PTER: variants seen among roughly 807,000 people sequenced by gnomAD.
PTER encodes the protein N-acetyltaurine hydrolase.
In PTER, 38 loss-of-function variants were observed where a neutral mutation model predicts 29.6. The observed-to-expected ratio is 1.28, with a 90% CI of 0.99 to 1.68. The LOEUF (loss-of-function observed/expected upper bound fraction) is 1.68, where lower values mean the gene tolerates loss of function less well. Among genes scored for constraint, PTER ranks in the 40% most tolerant of loss-of-function variants. The pLI is 0.00. For synonymous variants in PTER, 172 were observed against 154.5 expected, an observed-to-expected ratio of 1.11 and a Z score of -0.84; for missense variants, 482 against 427.8, an observed-to-expected ratio of 1.13 and a Z score of -1.12.
chr10:16,459,767 A>G (rs558895947), intron 1 of PTER, among the ~76,000 whole-genome samples: 3 of 151,412 alleles, frequency 2.0e-5, no homozygotes, highest in African/African-American at 7.3e-5. Context: ...TACTTATTTG[A>G]GACCAAGTTT....
intron 1 of PTER, among the ~76,000 whole-genome samples, chr10:16,468,704 A>G (rs150789848): frequency 1.1e-3 from 174 of 152,248 alleles, no homozygotes; most frequent in Middle Eastern, 6.8e-3. Flanking sequence ...GCTAGGTGCA[A>G]TGGCTCATGC....
At chr10:16,479,864 T>G (rs1835412715) in intron 1 of PTER, among the ~76,000 whole-genome samples, 1 of 151,824 alleles carries the variant, frequency 6.6e-6, no homozygotes, top group East Asian at 2.0e-4. Flanking sequence ...TGCCAGGCTC[T>G]TCACTTCATA....
chr10:16,515,631 C>G (rs780953960), downstream of PTER, among the ~76,000 whole-genome samples: 3 of 152,172 alleles, frequency 2.0e-5, no homozygotes, highest in African/African-American at 7.2e-5. Flanking sequence ...CATTTACAAA[C>G]AGTCAAATTG....
intron 1 of PTER, among the ~76,000 whole-genome samples, chr10:16,473,103 G>C (rs1490477577): frequency 6.6e-6 from 1 of 151,468 alleles, no homozygotes; most frequent in East Asian, 1.9e-4. Flanking sequence ...AAACCGTTTG[G>C]CTCTTTCATT....
rs891107739 is a variant in PTER, at chr10:16,511,535, G to A, written c.*279G>A. On this transcript the variant is annotated 3_prime_UTR_variant, in exon 5 of 5. Coordinates refer to ENST00000535784, the MANE Select transcript of PTER (RefSeq NM_001261836.2). Reference sequence around the variant, plus strand: ...GATTTAAAGTCTATATCCCCTAAGCGGAGTTGTTGTTTTTCTCCCTAATCT... The same window carrying A: ...GATTTAAAGTCTATATCCCCTAAGCAGAGTTGTTGTTTTTCTCCCTAATCT... 18 of 344,670 alleles carry A rather than the reference G, an allele frequency of 5.2e-5. No homozygotes were observed. The highest frequency in any genetic ancestry group is 2.0e-4 in the African/African-American group (10 of 49,160). 21.4% of individuals were successfully genotyped at this position (344,670 alleles called of 1,614,324 possible).
intron 1 of PTER, among the ~76,000 whole-genome samples, chr10:16,477,931 A>G (rs534906908): frequency 2.6e-5 from 4 of 152,206 alleles, no homozygotes; most frequent in Non-Finnish European, 5.9e-5. Flanking sequence ...GAGGCAACCT[A>G]TGACTAGGGT....
intron 1 of PTER, among the ~76,000 whole-genome samples, chr10:16,451,739 T>G (rs973156896): frequency 6.6e-6 from 1 of 152,040 alleles, no homozygotes; most frequent in African/African-American, 2.4e-5. Flanking sequence ...TAAAATAAAA[T>G]TGGACAGTAG....
At chr10:16,514,287 A>G, downstream of PTER, 1 of 557,406 alleles carries the variant, frequency 1.8e-6, no homozygotes, top group Non-Finnish European at 3.2e-6. Context: ...TCACATGGAC[A>G]CTAACGATAA....
intron 1 of PTER, among the ~76,000 whole-genome samples, chr10:16,472,373 G>C (rs1214517688): frequency 6.6e-6 from 1 of 152,128 alleles, no homozygotes; most frequent in Non-Finnish European, 1.5e-5. Context: ...TGTGTCAAGG[G>C]TGGGGCCAGG....
At chr10:16,468,621 C>T (rs966269835) in intron 1 of PTER, among the ~76,000 whole-genome samples, 1 of 152,100 alleles carries the variant, frequency 6.6e-6, no homozygotes, top group Non-Finnish European at 1.5e-5. Context: ...GAACTGAGGA[C>T]TGAGAGGCAA....
At chr10:16,508,221 A>C (rs1224690894) in intron 4 of PTER, among the ~76,000 whole-genome samples, 1 of 151,698 alleles carries the variant, frequency 6.6e-6, no homozygotes, top group Non-Finnish European at 1.5e-5. Context: ...GGCACCCGCC[A>C]CCACGCCCGG....
intron 1 of PTER, among the ~76,000 whole-genome samples, chr10:16,475,765 G>C (rs1391261337): frequency 6.6e-6 from 1 of 152,150 alleles, no homozygotes; most frequent in Non-Finnish European, 1.5e-5. Flanking sequence ...TTGGTGCATC[G>C]TTTCCAAAAA....
intron 1 of PTER, among the ~76,000 whole-genome samples, chr10:16,474,734 A>C (rs1366615459): frequency 1.3e-5 from 2 of 152,086 alleles, no homozygotes; most frequent in African/African-American, 4.8e-5. Context: ...AAAAATACAA[A>C]AAATTAGCTG....
chr10:16,441,472 C>T (rs1833846416), intron 1 of PTER, among the ~76,000 whole-genome samples: 1 of 152,020 alleles, frequency 6.6e-6, no homozygotes, highest in Non-Finnish European at 1.5e-5. Flanking sequence ...TTAGGTTTTG[C>T]TGTTAATGTC....
Position 16,452,879 on chromosome 10 carries a change from A to G in PTER, c.-49+15832A>G, listed in dbSNP as rs894973036. On this transcript the variant is annotated intron_variant, in intron 1 of 4. Transcript: ENST00000535784. Reference sequence around the variant, plus strand: ...GTGATTCTCCTGCCTCAGCCTCCCAAGTGGGTGGGATTACAGGCATGCCCT... The same window carrying G: ...GTGATTCTCCTGCCTCAGCCTCCCAGGTGGGTGGGATTACAGGCATGCCCT... 7.9e-5 allele frequency among the ~76,000 whole-genome samples: 12 copies of G among 152,200 alleles called. No individual in the cohort carries two copies. The East Asian group carries it at 2.1e-3, about 27-fold the overall frequency.
rs903826533 is a variant in PTER, at chr10:16,512,279, A to G, written c.*1023A>G. The stretch of plus-strand genomic sequence containing the variant: ...ATGTTTTTAAAACCTGTTAGTTAAA[A>G]CACTTAGGTGATGGGCACTGCTGCT... On this transcript the variant is annotated 3_prime_UTR_variant, in exon 5 of 5. Transcript: ENST00000535784. 4.6e-5 allele frequency: 7 copies of G among 152,252 alleles called. No homozygotes were observed. The highest frequency in any genetic ancestry group is 1.7e-4 in the African/African-American group (7 of 41,574). The allele number at this position is 152,252 out of a possible 1,614,324, so 9.4% of individuals were successfully genotyped here.
intron 3 of PTER, among the ~76,000 whole-genome samples, chr10:16,498,964 T>A (rs7068558): frequency 0.034 from 5,111 of 152,256 alleles, 261 homozygotes; most frequent in African/African-American, 0.12. Context: ...GGTGAGTGTG[T>A]CTCCGTAGTG....
At chr10:16,466,056 C>G (rs1834804159) in intron 1 of PTER, among the ~76,000 whole-genome samples, 2 of 152,092 alleles carry the variant, frequency 1.3e-5, no homozygotes, top group African/African-American at 4.8e-5. Flanking sequence ...GGACGTGAAG[C>G]CAAACCATAT....
At chr10:16,489,301 A>G (rs920017030) in intron 3 of PTER, among the ~76,000 whole-genome samples, 1 of 152,116 alleles carries the variant, frequency 6.6e-6, no homozygotes, top group African/African-American at 2.4e-5. Context: ...GTTAATTTTG[A>G]TCATTTATGT....
Sources: gnomAD v4.1 joint callset for allele counts (sites outside exome capture counted in the v4.1 genomes callset) on GRCh38, gnomAD v4.1.1 for gene constraint, MANE v1.5 for transcripts, NCBI Gene and HGNC (gene_info 2026-07-23, HGNC 2026-07-21) for gene names.